DOK5: variants seen among roughly 807,000 people sequenced by gnomAD.
The protein encoded by DOK5 is downstream of tyrosine kinase 5.
In DOK5, 27 loss-of-function variants were observed where a neutral mutation model predicts 43.3. The ratio of observed to expected loss-of-function variants is 0.62; its 90% CI spans 0.46 to 0.86. The LOEUF (loss-of-function observed/expected upper bound fraction) is 0.86, where lower values mean the gene tolerates loss of function less well. Among genes scored for constraint, DOK5 ranks in the 40% least tolerant of loss-of-function variants. The pLI, the probability that DOK5 is intolerant of heterozygous loss-of-function variation, is 0.00. For synonymous variants in DOK5, 146 were observed against 140.1 expected, an observed-to-expected ratio of 1.04 and a Z score of -0.30; for missense variants, 373 against 392.9, an observed-to-expected ratio of 0.95 and a Z score of 0.43.
intron 2 of DOK5, among the ~76,000 whole-genome samples, chr20:54,584,818 A>G (rs570314513): frequency 6.6e-6 from 1 of 151,186 alleles, no homozygotes; most frequent in Admixed American, 6.6e-5. Flanking sequence ...TAAATTATAT[A>G]TTTTCATTTG....
At chr20:54,486,224 C>G (rs1215920852) in intron 1 of DOK5, among the ~76,000 whole-genome samples, 2 of 152,078 alleles carry the variant, frequency 1.3e-5, no homozygotes, top group Admixed American at 1.3e-4. Context: ...TACTCCAGCA[C>G]TTTTTTGAAA....
intron 5 of DOK5, among the ~76,000 whole-genome samples, chr20:54,604,103 T>C (rs548852746): frequency 2.2e-4 from 34 of 151,892 alleles, no homozygotes; most frequent in Non-Finnish European, 2.7e-4. Flanking sequence ...CCCGCCACCA[T>C]GCCCGGCTAA....
intron 1 of DOK5, among the ~76,000 whole-genome samples, chr20:54,511,314 A>G (rs1174898839): frequency 6.6e-6 from 1 of 152,178 alleles, no homozygotes; most frequent in Non-Finnish European, 1.5e-5. Flanking sequence ...TGCTCAATAA[A>G]AGTTATTGAC....
intron 1 of DOK5, among the ~76,000 whole-genome samples, chr20:54,541,879 A>G (rs1984173277): frequency 1.3e-5 from 2 of 151,978 alleles, no homozygotes; most frequent in Non-Finnish European, 2.9e-5. Context: ...ACTCAAGGCC[A>G]TTTATTTCTT....
In DOK5 at chr20:54,518,246, G is replaced by T. The variant is rs142269649; in HGVS notation, c.67-36687G>T. ...CCATTAACTCGTCATTTAACATTAG[G>T]TATATCTCCTAACGTTATCCCTCCC... On this transcript the variant is annotated intron_variant, in intron 1 of 7. Transcript: ENST00000262593. 2.1e-3 allele frequency among the ~76,000 whole-genome samples: 316 copies of T among 152,042 alleles called. 2 individuals carry two copies. Among genetic ancestry groups the T allele is most frequent in the African/African-American group, 7.0e-3 (290 of 41,444 alleles).
chr20:54,612,550 A>C (rs1986683160), intron 6 of DOK5, among the ~76,000 whole-genome samples: 1 of 152,042 alleles, frequency 6.6e-6, no homozygotes, highest in African/African-American at 2.4e-5. Flanking sequence ...GGCCTCATCC[A>C]ATCTGATGGA....
chr20:54,529,036 T>C (rs1983673988), intron 1 of DOK5, among the ~76,000 whole-genome samples: 1 of 152,202 alleles, frequency 6.6e-6, no homozygotes, highest in African/African-American at 2.4e-5. Context: ...GACTGTTCTC[T>C]GGGTCCTGAG....
intron 1 of DOK5, among the ~76,000 whole-genome samples, chr20:54,496,700 A>C (rs1982407986): frequency 7.1e-6 from 1 of 141,436 alleles, no homozygotes; most frequent in African/African-American, 2.7e-5. Context: ...CGGGAGGTGG[A>C]GCTTGCAGTG....
intron 7 of DOK5, among the ~76,000 whole-genome samples, chr20:54,649,150 G>A (rs1248420684): frequency 1.3e-5 from 2 of 152,220 alleles, no homozygotes; most frequent in African/African-American, 4.8e-5. Flanking sequence ...GTTGGTGAGA[G>A]TGGGACTATG....
intron 6 of DOK5, among the ~76,000 whole-genome samples, chr20:54,619,819 A>G (rs1324896246): frequency 6.6e-6 from 1 of 152,260 alleles, no homozygotes; most frequent in Non-Finnish European, 1.5e-5. Flanking sequence ...TTTTAAACGC[A>G]ATATGCTACA....
chr20:54,495,885 G>GA (rs200199309), intron 1 of DOK5, among the ~76,000 whole-genome samples: 351 of 149,892 alleles, frequency 2.3e-3, no homozygotes, highest in African/African-American at 7.1e-3. Flanking sequence ...CCATCTCAAA[G>GA]AAAAAAAAAA....
chr20:54,618,616 C>A (rs1053878773), intron 6 of DOK5, among the ~76,000 whole-genome samples: 1 of 152,060 alleles, frequency 6.6e-6, no homozygotes, highest in Non-Finnish European at 1.5e-5. Flanking sequence ...GTGCTGGGAC[C>A]ACAGGCATGA....
intron 1 of DOK5, among the ~76,000 whole-genome samples, chr20:54,487,344 ATTAACT>A (rs1462307346): frequency 1.3e-5 from 2 of 152,148 alleles, no homozygotes; most frequent in African/African-American, 4.8e-5. Flanking sequence ...CATTGCACTG[ATTAACT>A]TTATATTATG....
chr20:54,631,313 G>T (rs1015395757), intron 6 of DOK5, among the ~76,000 whole-genome samples: 1 of 151,930 alleles, frequency 6.6e-6, no homozygotes, highest in Non-Finnish European at 1.5e-5. Context: ...CTTGTCGGGG[G>T]GCTGAGGTGG....
chr20:54,642,919 T>G (rs1371039255), intron 6 of DOK5, among the ~76,000 whole-genome samples: 1 of 152,204 alleles, frequency 6.6e-6, no homozygotes, highest in Non-Finnish European at 1.5e-5. Context: ...GGTCCCTTTG[T>G]AGTTCCAAGA....
chr20:54,481,576 G>T (rs1443449500), intron 1 of DOK5, among the ~76,000 whole-genome samples: 1 of 151,920 alleles, frequency 6.6e-6, no homozygotes, highest in Non-Finnish European at 1.5e-5. Context: ...TATTGCCTAT[G>T]TACTGCCAAG....
At chr20:54,535,325 G>A (rs74660370) in intron 1 of DOK5, among the ~76,000 whole-genome samples, 4,190 of 151,414 alleles carry the variant, frequency 0.028, 176 homozygotes, top group African/African-American at 0.097. Flanking sequence ...TCTCAACCAT[G>A]GAATTCATTT....
chr20:54,524,287 T>C (rs1983509730), intron 1 of DOK5, among the ~76,000 whole-genome samples: 1 of 152,156 alleles, frequency 6.6e-6, no homozygotes, highest in Admixed American at 6.5e-5. Context: ...TCGGGATGTT[T>C]CTCACTTTGC....
At chr20:54,516,061 T>C (rs1432373744) in intron 1 of DOK5, among the ~76,000 whole-genome samples, 1 of 152,164 alleles carries the variant, frequency 6.6e-6, no homozygotes, top group Non-Finnish European at 1.5e-5. Context: ...TCACTTGCAG[T>C]GTGTCGTGTA....
Sources: gnomAD v4.1 joint callset for allele counts (sites outside exome capture counted in the v4.1 genomes callset) on GRCh38, gnomAD v4.1.1 for gene constraint, MANE v1.5 for transcripts, NCBI Gene and HGNC (gene_info 2026-07-23, HGNC 2026-07-21) for gene names.